The following ARAP1 variants were observed in gnomAD, a reference collection of about 807,000 sequenced individuals.
ARAP1 encodes arf-GAP with Rho-GAP domain, ANK repeat and PH domain-containing protein 1.
Under a neutral mutation model 172.2 loss-of-function variants are expected in ARAP1, and 76 were observed. That is an observed-to-expected ratio of 0.44 (90% CI 0.37 to 0.53). ARAP1 has a LOEUF of 0.53. Ranked by LOEUF, ARAP1 falls within the 20% of genes least tolerant of loss-of-function variation. ARAP1 has a pLI of 0.00. For missense variants in ARAP1, 1,686 were observed against 1,977.5 expected (o/e 0.85, Z 2.80); for synonymous variants, 804 against 803.3 (o/e 1.00, Z -0.01).
At chr11:72,688,672 G>A in intron 30 of ARAP1, 135 bp from the exon 31 acceptor site, 2 of 706,802 alleles carry the variant, frequency 2.8e-6, no homozygotes, top group South Asian at 3.6e-5. Context: ...CCTCCAAGAA[G>A]CCTTCCTGAT....
intron 12 of ARAP1, 111 bp from the exon 13 acceptor site, chr11:72,706,001 C>T (rs758768188): frequency 4.7e-6 from 5 of 1,066,120 alleles, no homozygotes; most frequent in Non-Finnish European, 5.5e-6. Flanking sequence ...ACAGGCAGGC[C>T]CCAGGGGGTA....
intron 34 of ARAP1, 107 bp from the exon 35 acceptor site, chr11:72,685,788 G>A (rs1855647512): frequency 1.3e-6 from 2 of 1,498,794 alleles, no homozygotes; most frequent in Non-Finnish European, 1.9e-6. Flanking sequence ...GCCAGCCGGG[G>A]AGCACTCCAA....
Position 72,685,417 on chromosome 11 carries a change from A to G in ARAP1, c.*247T>C. ...CAAGGACAGTGAACCCGGTGGGGTG[A>G]GCAGGTTGGGCCAAGAGGTCTGAAC... is the stretch of plus-strand genomic sequence containing the variant. On this transcript the variant is annotated 3_prime_UTR_variant, in exon 35 of 35. Transcript: ENST00000393609. The G allele has an allele frequency of 1.7e-6, 1 of 577,638 alleles. No individual in the cohort carries two copies. Among genetic ancestry groups the G allele is most frequent in the East Asian group, 2.9e-5 (1 of 34,278 alleles). The allele number at this position is 577,638 out of a possible 1,614,324, so 35.8% of individuals were successfully genotyped here.
intron 31 of ARAP1, among the ~76,000 whole-genome samples, chr11:72,688,138 C>G (rs1392621950): frequency 1.3e-5 from 2 of 152,082 alleles, no homozygotes; most frequent in African/African-American, 4.8e-5. Flanking sequence ...AGCGCGCCAC[C>G]AAACCCAGTT....
intron 15 of ARAP1, among the ~76,000 whole-genome samples, chr11:72,702,137 T>C (rs530741636): frequency 3.5e-4 from 54 of 152,312 alleles, no homozygotes; most frequent in Admixed American, 2.2e-3. Flanking sequence ...GGAAAGAGGA[T>C]TGTCCCAGAC....
chr11:72,685,200 G>A lies in ARAP1; in HGVS notation c.*464C>T, dbSNP rs1855622776. 1 of 178,606 alleles carries A rather than the reference G, an allele frequency of 5.6e-6. No homozygotes were observed. 11.1% of individuals were successfully genotyped at this position (178,606 alleles called of 1,614,324 possible). A position where few individuals can be genotyped will look rare whatever the true frequency, so the allele number is the denominator to read the frequency against. ...TGAAGTCCCCAAAGCGCAGCTCTCA[G>A]CCCTGTAGAAGCTCAGCCAAGAGCT... On this transcript the variant is annotated 3_prime_UTR_variant, in exon 35 of 35. Coordinates refer to ENST00000393609, the MANE Select transcript of ARAP1 (RefSeq NM_001040118.3).
intron 22 of ARAP1, 36 bp from the exon 23 acceptor site, chr11:72,696,690 T>C: frequency 6.6e-7 from 1 of 1,521,328 alleles, no homozygotes; most frequent in Non-Finnish European, 8.9e-7. Flanking sequence ...AGAAACCCCC[T>C]GTAACTATCT....
chr11:72,737,846 A>G (rs551727015), intron 1 of ARAP1, among the ~76,000 whole-genome samples: 8 of 151,982 alleles, frequency 5.3e-5, no homozygotes, highest in African/African-American at 1.9e-4. Context: ...CTGGTCTCGA[A>G]CTCCTGAGTT....
chr11:72,751,716 C>A (rs529658897), intron 1 of ARAP1, among the ~76,000 whole-genome samples: 1 of 152,014 alleles, frequency 6.6e-6, no homozygotes, highest in East Asian at 1.9e-4. Flanking sequence ...CAGATTCCCC[C>A]CCTCCCCGCC....
At position 72,710,345 on chromosome 11, in the gene ARAP1, T is replaced by G; in HGVS notation, c.1416+40A>C. On this transcript the variant is annotated intron_variant, in intron 10 of 34. Transcript: ENST00000393609. This position sits in a 1 kb window ranked among gnomAD's most constrained non-coding sequence, Gnocchi z 4.3. ...CTAGGTCAGCCTGGGGCAGGGTAGG[T>G]GGACATGGGCAGGGGAGAGGTTCCA... 2.5e-6 allele frequency: 4 copies of G among 1,608,392 alleles called. No individual in the cohort carries two copies. Among genetic ancestry groups the G allele is most frequent in the Admixed American group, 1.7e-5 (1 of 59,878 alleles).
Position 72,725,035 on chromosome 11 carries a change from T to C in ARAP1, c.509+1585A>G, listed in dbSNP as rs1420096333. On this transcript the variant is annotated intron_variant, in intron 3 of 34. Transcript: ENST00000393609. The surrounding 1 kb of genome is among the most constrained non-coding windows in gnomAD (Gnocchi z 4.3). ...AGTGCCAGGAGGGCCCAGAAGTCTA[T>C]GGAGGACCACAGAGGGCACCTGATG... Among the ~76,000 whole-genome samples, 1 of 152,148 alleles carries C rather than the reference T, an allele frequency of 6.6e-6. No homozygotes were observed. The highest frequency in any genetic ancestry group is 1.5e-5 in the Non-Finnish European group (1 of 68,028).
At chr11:72,698,957 C>A (rs749735872) in intron 18 of ARAP1, 48 bp downstream of exon 18, 3 of 1,594,792 alleles carry the variant, frequency 1.9e-6, no homozygotes, top group Non-Finnish European at 2.6e-6. Flanking sequence ...GAGGCCCCAC[C>A]TTCCCCAGTC....
intron 1 of ARAP1, among the ~76,000 whole-genome samples, chr11:72,737,676 G>A (rs1489337227): frequency 2.6e-5 from 4 of 151,346 alleles, no homozygotes; most frequent in Non-Finnish European, 5.9e-5. Flanking sequence ...AGGCTGGAGT[G>A]CAGTGGTGTG....
chr11:72,722,237 G>C, intron 3 of ARAP1: 1 of 985,346 alleles, frequency 1.0e-6, no homozygotes, highest in Non-Finnish European at 1.2e-6. Context: ...CTGTGTGTAT[G>C]TGTGTGTGTA....
chr11:72,702,861 GGCACT>G (rs1171198096), intron 15 of ARAP1, 39 bp downstream of exon 15: 2 of 1,545,408 alleles, frequency 1.3e-6, no homozygotes, highest in Non-Finnish European at 1.7e-6. Flanking sequence ...AACCCCACCA[GGCACT>G]GCACAGCCTG....
At position 72,732,554 on chromosome 11, in the gene ARAP1, A is replaced by G. The variant is rs1426095240; in HGVS notation, c.-84T>C. The G allele has an allele frequency of 6.6e-6, 1 of 152,602 alleles. No individual in the cohort carries two copies. Among genetic ancestry groups the G allele is most frequent in the Non-Finnish European group, 1.5e-5 (1 of 68,296 alleles). The allele number at this position is 152,602 out of a possible 1,614,324, so 9.5% of individuals were successfully genotyped here. ...AGGACGCCCGGGTCCTCCCAGAGACAGCAGCTATTCTGAAGGGCTCCTCAT... is the reference window on the plus strand; with the variant it reads ...AGGACGCCCGGGTCCTCCCAGAGACGGCAGCTATTCTGAAGGGCTCCTCAT... On this transcript the variant is annotated 5_prime_UTR_variant, in exon 2 of 35. Coordinates refer to ENST00000393609, the MANE Select transcript of ARAP1 (RefSeq NM_001040118.3).
intron 16 of ARAP1, among the ~76,000 whole-genome samples, chr11:72,701,205 C>T (rs1397010036): frequency 1.3e-5 from 2 of 150,742 alleles, no homozygotes; most frequent in East Asian, 1.9e-4. Flanking sequence ...GTGAGGAGAC[C>T]GGCAGAGTGA....
intron 1 of ARAP1, among the ~76,000 whole-genome samples, chr11:72,737,488 T>C (rs547307395): frequency 2.0e-4 from 30 of 152,268 alleles, no homozygotes; most frequent in Middle Eastern, 6.8e-3. Context: ...TAGTGACCTG[T>C]TTCACCGGCC....
chr11:72,724,419 G>C (rs1857627976), intron 3 of ARAP1, among the ~76,000 whole-genome samples: 1 of 152,122 alleles, frequency 6.6e-6, no homozygotes, highest in Admixed American at 6.5e-5. Context: ...CATGTCATGA[G>C]ACACTGTGAT....
Sources: allele counts gnomAD v4.1 joint callset (sites outside exome capture counted in the v4.1 genomes callset), GRCh38; gene constraint gnomAD v4.1.1; non-coding constraint Gnocchi (gnomAD v3.1); transcripts MANE v1.5; gene names NCBI Gene and HGNC (gene_info 2026-07-23, HGNC 2026-07-21).